The following DDAH1 variants were observed in gnomAD, a reference collection of about 807,000 sequenced individuals.
DDAH1 encodes the protein N(G),N(G)-dimethylarginine dimethylaminohydrolase 1.
DDAH1 carries 19 observed loss-of-function variants against 28.8 expected under a neutral mutation model. That is an observed-to-expected ratio of 0.66 (90% CI 0.46 to 0.97). DDAH1 has a LOEUF of 0.97. Ranked by LOEUF, DDAH1 falls within the 50% of genes least tolerant of loss-of-function variation. The pLI, the probability that DDAH1 is intolerant of heterozygous loss-of-function variation, is 0.00. For missense variants in DDAH1, 326 were observed against 375.9 expected, an observed-to-expected ratio of 0.87 and a Z score of 1.10; for synonymous variants, 153 against 154.4, an observed-to-expected ratio of 0.99 and a Z score of 0.07.
intron 1 of DDAH1, among the ~76,000 whole-genome samples, chr1:85,422,877 C>T (rs181129653): frequency 2.0e-4 from 31 of 152,220 alleles, no homozygotes; most frequent in East Asian, 1.2e-3. Flanking sequence ...CATATGAGCG[C>T]GCAGCAAGAA....
intron 1 of DDAH1, among the ~76,000 whole-genome samples, chr1:85,540,111 G>C (rs2100784316): frequency 7.1e-6 from 1 of 141,176 alleles, no homozygotes; most frequent in African/African-American, 2.5e-5. Context: ...GATTTTTCTT[G>C]ATTTAAAAAA....
At chr1:85,537,639 A>C (rs1658336932) in intron 1 of DDAH1, among the ~76,000 whole-genome samples, 1 of 147,260 alleles carries the variant, frequency 6.8e-6, no homozygotes, top group Non-Finnish European at 1.5e-5. Context: ...AATAGCAATA[A>C]GTTCCCTACT....
intron 1 of DDAH1, among the ~76,000 whole-genome samples, chr1:85,577,407 A>T (rs1255843749): frequency 6.6e-6 from 1 of 152,046 alleles, no homozygotes; most frequent in Non-Finnish European, 1.5e-5. Flanking sequence ...GACACCATTA[A>T]GTTCTGTTCA....
chr1:85,482,486 G>A (rs1301667044), intron 2 of DDAH1: 4 of 152,018 alleles, frequency 2.6e-5, no homozygotes, highest in Non-Finnish European at 4.4e-5. Context: ...AAACATGTTC[G>A]GACTGAGCCA....
At chr1:85,545,059 C>T (rs1037836287) in intron 1 of DDAH1, among the ~76,000 whole-genome samples, 2 of 152,120 alleles carry the variant, frequency 1.3e-5, no homozygotes, top group African/African-American at 2.4e-5. Context: ...ATATTTTGAG[C>T]AAAGTCAACA....
At chr1:85,447,570 A>G (rs1034115282) in intron 1 of DDAH1, among the ~76,000 whole-genome samples, 2 of 152,140 alleles carry the variant, frequency 1.3e-5, no homozygotes, top group South Asian at 2.1e-4. Context: ...TCTTGCAGGA[A>G]TATGTTTCAG....
At chr1:85,520,876 C>G (rs1273569748) in intron 1 of DDAH1, among the ~76,000 whole-genome samples, 88 of 152,268 alleles carry the variant, frequency 5.8e-4, no homozygotes, top group African/African-American at 2.0e-3. Flanking sequence ...ATTAACCACA[C>G]TAATCAACTT....
At chr1:85,527,993 G>T (rs1448961931) in intron 1 of DDAH1, among the ~76,000 whole-genome samples, 2 of 151,898 alleles carry the variant, frequency 1.3e-5, no homozygotes, top group Non-Finnish European at 2.9e-5. Flanking sequence ...AAAGCTGAAG[G>T]CATTGTTTTA....
Position 85,444,031 on chromosome 1 carries a change from GC to G in DDAH1, c.303+20711del, listed in dbSNP as rs1176069448. Among the ~76,000 whole-genome samples, 3 of 152,224 alleles carry G rather than the reference GC, an allele frequency of 2.0e-5. No individual in the cohort carries two copies. The East Asian group carries it at 5.8e-4, about 29-fold the overall frequency. On this transcript the variant is annotated intron_variant, in intron 1 of 5. Transcript: ENST00000284031. ...TTCTTTCTCCTGCCTGATTGTCCTGGCCAGAACTTCCAACACTATGTTGAAC... is the reference window on the plus strand; with the variant it reads ...TTCTTTCTCCTGCCTGATTGTCCTGGCAGAACTTCCAACACTATGTTGAAC...
chr1:85,538,832 T>A lies in DDAH1; in HGVS notation c.-123+39152A>T, dbSNP rs1245979038. 4.6e-5 allele frequency among the ~76,000 whole-genome samples: 7 copies of A among 152,344 alleles called. No individual in the cohort carries two copies. The East Asian group carries it at 5.8e-4, about 13-fold the overall frequency. ...CAATTTGTGTTTATGCTCACAAATG[T>A]GTGCCTGCGGGATCAATTATACTCT... On this transcript the variant is annotated intron_variant, in intron 1 of 6. Transcript: ENST00000426972.
upstream of DDAH1, among the ~76,000 whole-genome samples, chr1:85,468,185 C>T (rs1237792372): frequency 1.3e-5 from 2 of 152,290 alleles, no homozygotes; most frequent in East Asian, 1.9e-4. Context: ...TTGACAGAAG[C>T]TTATCTCTTG....
chr1:85,568,642 A>T (rs1238699410), intron 1 of DDAH1, among the ~76,000 whole-genome samples: 2 of 152,228 alleles, frequency 1.3e-5, no homozygotes, highest in Non-Finnish European at 2.9e-5. Context: ...AAGACATTTA[A>T]AATAAAAATA....
chr1:85,490,150 GA>G (rs1656340366), intron 2 of DDAH1, among the ~76,000 whole-genome samples: 1 of 152,022 alleles, frequency 6.6e-6, no homozygotes, highest in South Asian at 2.1e-4. Flanking sequence ...TTTAGTGCTG[GA>G]AAAGACTAGG....
At chr1:85,554,999 C>T (rs1029143414) in intron 1 of DDAH1, among the ~76,000 whole-genome samples, 2 of 152,172 alleles carry the variant, frequency 1.3e-5, no homozygotes, top group Non-Finnish European at 2.9e-5. Flanking sequence ...TCATATTATG[C>T]TCAGTTATGA....
rs1654664646 is a variant in DDAH1 at position 85,451,387 on chromosome 1, T to C, written c.303+13356A>G. On this transcript the variant is annotated intron_variant, in intron 1 of 5. Transcript: ENST00000284031. ...AGGGACTGATCACTGATGGAAGAGC[T>C]ACTCTGTGCATGGTACTGCTCAGTA... Among the ~76,000 whole-genome samples the C allele has an allele frequency of 2.0e-5, 3 of 152,264 alleles. No homozygotes were observed. The South Asian group carries it at 6.2e-4, about 32-fold the overall frequency.
chr1:85,356,115 T>G (rs1649475542), intron 2 of DDAH1, among the ~76,000 whole-genome samples: 1 of 152,196 alleles, frequency 6.6e-6, no homozygotes, highest in Admixed American at 6.5e-5. Context: ...ACTTCTTAAG[T>G]CAGGAGGTGG....
chr1:85,577,626 C>T (rs1441019781), intron 1 of DDAH1, among the ~76,000 whole-genome samples: 1 of 151,494 alleles, frequency 6.6e-6, no homozygotes, highest in African/African-American at 2.4e-5. Flanking sequence ...ACCCAGAGAA[C>T]CATTCATTAA....
intron 1 of DDAH1, among the ~76,000 whole-genome samples, chr1:85,520,536 G>A (rs544532377): frequency 6.6e-6 from 1 of 152,198 alleles, no homozygotes; most frequent in African/African-American, 2.4e-5. Context: ...GACTTAAGTA[G>A]ACACTTATAT....
rs368297742 is a variant in DDAH1, at chr1:85,324,922, C to A, written c.598-39G>T. 10 of 1,606,584 alleles carry A rather than the reference C, an allele frequency of 6.2e-6. No individual in the cohort carries two copies. The African/African-American group carries it at 1.3e-4, about 21-fold the overall frequency. On this transcript the variant is annotated intron_variant, in intron 4 of 5. Coordinates refer to ENST00000284031, the MANE Select transcript of DDAH1 (RefSeq NM_012137.4). ...CAAAGCAGGCCTAAGAAGAGTAACT[C>A]CCCACACTTTCAAACAGAAGGAAGG...
Sources: allele counts gnomAD v4.1 joint callset (sites outside exome capture counted in the v4.1 genomes callset), GRCh38; gene constraint gnomAD v4.1.1; transcripts MANE v1.5; gene names NCBI Gene and HGNC (gene_info 2026-07-23, HGNC 2026-07-21).